Variants in METAP1 observed in about 807,000 individuals in gnomAD.
METAP1 encodes methionyl aminopeptidase 1, also known as methionine aminopeptidase 1.
In METAP1, 28 loss-of-function variants were observed where a neutral mutation model predicts 53.8. The ratio of observed to expected loss-of-function variants is 0.52; its 90% confidence interval spans 0.39 to 0.71. The LOEUF (loss-of-function observed/expected upper bound fraction) is 0.71, where lower values mean the gene tolerates loss of function less well. Among genes scored for constraint, METAP1 ranks in the 30% least tolerant of loss-of-function variants. The pLI is 0.00. For synonymous variants in METAP1, 181 were observed against 165.7 expected (o/e 1.09, Z -0.71); for missense variants, 389 against 479.8 (o/e 0.81, Z 1.77).
At chr4:99,012,227 C>T (rs1723508982) in intron 1 of METAP1, among the ~76,000 whole-genome samples, 1 of 135,184 alleles carries the variant, frequency 7.4e-6, no homozygotes, top group Non-Finnish European at 1.6e-5. Context: ...ATCTTTTCTT[C>T]TTTTTCTAGT....
intron 1 of METAP1, among the ~76,000 whole-genome samples, chr4:99,018,847 G>A (rs1028713651): frequency 6.6e-6 from 1 of 152,144 alleles, no homozygotes; most frequent in Admixed American, 6.5e-5. Flanking sequence ...GGGAGATCGG[G>A]TATTACTTTC....
intron 5 of METAP1, 69 bp from the exon 6 acceptor site, chr4:99,040,974 A>G (rs1725817617): frequency 3.2e-6 from 3 of 949,626 alleles, no homozygotes; most frequent in South Asian, 2.2e-5. Flanking sequence ...TCCACAGTCA[A>G]ACAGTAGAAA....
intron 1 of METAP1, chr4:99,026,270 A>G (rs1371136584): frequency 1.0e-6 from 1 of 985,096 alleles, no homozygotes; most frequent in Non-Finnish European, 1.2e-6. Context: ...TTGAAAACTA[A>G]AGTTTTACCT....
intron 1 of METAP1, among the ~76,000 whole-genome samples, chr4:99,007,808 C>T (rs185887089): frequency 1.1e-3 from 161 of 152,316 alleles, no homozygotes; most frequent in Non-Finnish European, 1.9e-3. Flanking sequence ...CTCCATTACT[C>T]TCTGATTGCT....
chr4:99,057,274 GCTGTGCAC>G (rs1174135332), intron 9 of METAP1, among the ~76,000 whole-genome samples: 3 of 152,164 alleles, frequency 2.0e-5, no homozygotes, highest in Admixed American at 6.5e-5. Flanking sequence ...GTTTCTATGG[GCTGTGCAC>G]CTGTGTGCAA....
intron 1 of METAP1, among the ~76,000 whole-genome samples, chr4:99,004,482 C>CAT (rs1553939998): frequency 2.4e-4 from 4 of 16,986 alleles, no homozygotes; most frequent in East Asian, 7.8e-3. Context: ...CACACACACA[C>CAT]ATACACACAC....
At chr4:99,028,781 A>C (rs1051506086) in intron 1 of METAP1, 86 bp from the exon 2 acceptor site, 7 of 982,754 alleles carry the variant, frequency 7.1e-6, no homozygotes, top group South Asian at 3.8e-5. Flanking sequence ...AATAGTTTAC[A>C]ATAACTCTTG....
chr4:99,048,875 T>C lies in METAP1; in HGVS notation c.930T>C (p.Ala310=), dbSNP rs1006733291. ...CAGCTCCCAATGTACCCCACTATGC[T>C]AGTAAGTACTATCCAGAGATTTGGT... ...FHTAPNVPHY[A]KNKAVGVMKS... is the part of the protein sequence containing the mutation. Residue 310 remains alanine, a splice_region_variant and synonymous_variant, in exon 9 of 11, where the codon GCT becomes GCC. Coordinates refer to ENST00000296411, the MANE Select transcript of METAP1 (RefSeq NM_015143.3). The C allele has an allele frequency of 1.7e-5, 27 of 1,613,504 alleles. No homozygotes were observed. Among genetic ancestry groups the C allele is most frequent in the Non-Finnish European group, 2.0e-5 (24 of 1,179,756 alleles).
chr4:99,035,542 A>G lies in METAP1; in HGVS notation c.340+82A>G, dbSNP rs78195596. The G allele has an allele frequency of 7.9e-4, 872 of 1,109,592 alleles. 4 individuals are homozygous for G. The African/African-American group carries it at 0.012, about 16-fold the overall frequency. The allele number at this position is 1,109,592 out of a possible 1,614,324, so 68.7% of individuals were successfully genotyped here. A position where few individuals can be genotyped will look rare whatever the true frequency, so the allele number is the denominator to read the frequency against. On this transcript the variant is annotated intron_variant, in intron 4 of 10. Transcript: ENST00000296411. ...CAAAGGGAAGGAATGCTTTTCTTGT[A>G]GAAATTTTTCAGTGCTGGACTTCTA... is the stretch of plus-strand genomic sequence containing the variant.
chr4:99,034,295 TG>T lies in METAP1; in HGVS notation c.235del (p.Ala79GlnfsTer15). 6.4e-7 allele frequency: 1 copy of T among 1,550,428 alleles called. No homozygotes were observed. Among genetic ancestry groups the T allele is most frequent in the Non-Finnish European group, 8.7e-7 (1 of 1,145,896 alleles). On this transcript the variant is annotated frameshift_variant, in exon 3 of 11. Coordinates refer to ENST00000296411, the MANE Select transcript of METAP1 (RefSeq NM_015143.3). LOFTEE classifies it high-confidence loss of function. Reference protein sequence around the residue: ...TVEGDINTDPWAGYRYTGKLR... With the variant: ...TVEGDINTDPXAGYRYTGKLR... Reference sequence around the variant, plus strand: ...GGAAGGTGATATTAATACTGACCCATGGGCAGGTTATCGATATACTGGTAAA... The same window carrying T: ...GGAAGGTGATATTAATACTGACCCATGGCAGGTTATCGATATACTGGTAAA...
chr4:99,033,026 T>G (rs1725159786), intron 2 of METAP1, among the ~76,000 whole-genome samples: 2 of 152,218 alleles, frequency 1.3e-5, no homozygotes, highest in South Asian at 4.1e-4. Context: ...AGTTGTACCT[T>G]AAGGGCCTTT....
intron 9 of METAP1, among the ~76,000 whole-genome samples, chr4:99,052,409 G>A (rs1048856733): frequency 6.6e-6 from 1 of 152,172 alleles, no homozygotes; most frequent in Non-Finnish European, 1.5e-5. Flanking sequence ...CGGTTCTGCA[G>A]GCTATACAAG....
chr4:99,026,355 G>A (rs947761963), intron 1 of METAP1: 7 of 985,306 alleles, frequency 7.1e-6, no homozygotes, highest in Admixed American at 6.1e-5. Context: ...TGTTCAGCGA[G>A]TATTGAATAA....
chr4:99,012,916 A>C (rs769403173), intron 1 of METAP1, among the ~76,000 whole-genome samples: 1 of 152,152 alleles, frequency 6.6e-6, no homozygotes, highest in Non-Finnish European at 1.5e-5. Context: ...GTGGGTTCAA[A>C]GATTTTCTGA....
chr4:99,034,176 A>T, intron 2 of METAP1, 54 bp from the exon 3 acceptor site: 2 of 1,104,036 alleles, frequency 1.8e-6, no homozygotes, highest in Non-Finnish European at 2.7e-6. Flanking sequence ...CCACTGAAAC[A>T]TTCCTTTCCC....
chr4:98,998,192 CTG>C (rs1366928143), intron 1 of METAP1, among the ~76,000 whole-genome samples: 1 of 152,192 alleles, frequency 6.6e-6, no homozygotes. Flanking sequence ...GATCAAGTCA[CTG>C]TAACTTATTC....
intron 1 of METAP1, among the ~76,000 whole-genome samples, chr4:99,013,939 T>G (rs1560698556): frequency 6.6e-6 from 1 of 152,354 alleles, no homozygotes; most frequent in African/African-American, 2.4e-5. Context: ...TCTTTTTGTT[T>G]TATAATTCTT....
intron 1 of METAP1, chr4:99,005,848 TAC>T (rs1723151829): frequency 2.5e-6 from 1 of 404,348 alleles, no homozygotes; most frequent in Non-Finnish European, 4.8e-6. Flanking sequence ...TCGTCTCGCT[TAC>T]AAGTAGGAGC....
At chr4:99,010,129 G>A (rs938347915) in intron 1 of METAP1, among the ~76,000 whole-genome samples, 3 of 152,190 alleles carry the variant, frequency 2.0e-5, no homozygotes, top group Non-Finnish European at 4.4e-5. Flanking sequence ...TTATTGAAGA[G>A]ACTATTCTTT....
Sources: gnomAD v4.1 joint callset for allele counts (sites outside exome capture counted in the v4.1 genomes callset) on GRCh38, gnomAD v4.1.1 for gene constraint, MANE v1.5 for transcripts, NCBI Gene and HGNC (gene_info 2026-07-23, HGNC 2026-07-21) for gene names.